The following AGPS variants were observed in gnomAD, a reference collection of about 807,000 sequenced individuals.
The protein encoded by AGPS is alkyldihydroxyacetonephosphate synthase, peroxisomal.
AGPS carries 26 observed loss-of-function variants against 90.7 expected under a neutral mutation model. The observed-to-expected ratio is 0.29, with a 90% CI of 0.21 to 0.40. AGPS has a LOEUF of 0.40. Among genes scored for constraint, AGPS ranks in the 10% least tolerant of loss-of-function variants. The pLI, the probability that AGPS is intolerant of heterozygous loss-of-function variation, is 1.00. For synonymous variants in AGPS, 294 were observed against 285.3 expected (o/e 1.03, Z -0.31); for missense variants, 540 against 816.1 (o/e 0.66, Z 4.12).
intron 8 of AGPS, among the ~76,000 whole-genome samples, chr2:177,455,843 A>C (rs528914636): frequency 2.6e-5 from 4 of 151,908 alleles, no homozygotes; most frequent in African/African-American, 9.7e-5. Flanking sequence ...ACCATAATTT[A>C]GGGATTTTTT....
intron 10 of AGPS, among the ~76,000 whole-genome samples, chr2:177,480,160 A>T (rs957443835): frequency 6.6e-6 from 1 of 152,230 alleles, no homozygotes; most frequent in African/African-American, 2.4e-5. Flanking sequence ...AGCCTGGGCA[A>T]CAAGAGCGAA....
chr2:177,496,944 T>C (rs755236521), intron 12 of AGPS, among the ~76,000 whole-genome samples: 22 of 152,098 alleles, frequency 1.4e-4, no homozygotes, highest in Non-Finnish European at 5.9e-5. Flanking sequence ...ATAAAAATTT[T>C]GTATAAATGG....
rs368443476 is a variant in AGPS at position 177,436,965 on chromosome 2, T to G, written c.563-15T>G. On this transcript the variant is annotated splice_polypyrimidine_tract_variant and intron_variant, in intron 4 of 19. Transcript: ENST00000264167. ...AGCTGTTTTTGTGTTTTTCTTTTTTTTAACCACAAAACAGGTCATTGTCTT... is the reference window on the plus strand; with the variant it reads ...AGCTGTTTTTGTGTTTTTCTTTTTTGTAACCACAAAACAGGTCATTGTCTT... 12 of 1,613,008 alleles carry G rather than the reference T, an allele frequency of 7.4e-6. No homozygotes were observed. In the African/African-American group the frequency reaches 8.0e-5, roughly 11 times the overall value.
intron 11 of AGPS, among the ~76,000 whole-genome samples, chr2:177,492,543 A>G (rs1372165509): frequency 6.6e-6 from 1 of 152,208 alleles, no homozygotes; most frequent in Non-Finnish European, 1.5e-5. Flanking sequence ...TAACATTTTT[A>G]AACTATTATA....
chr2:177,486,390 C>T (rs940523567), intron 11 of AGPS, among the ~76,000 whole-genome samples: 1 of 152,056 alleles, frequency 6.6e-6, no homozygotes, highest in African/African-American at 2.4e-5. Context: ...AAGAGTGGTA[C>T]AGTATTTGCT....
intron 17 of AGPS, among the ~76,000 whole-genome samples, chr2:177,514,670 T>C (rs927608134): frequency 4.6e-5 from 7 of 152,194 alleles, no homozygotes; most frequent in African/African-American, 1.4e-4. Flanking sequence ...TTTTCTATCT[T>C]TTCTATTGTC....
intron 19 of AGPS, among the ~76,000 whole-genome samples, chr2:177,531,992 T>C (rs1338091063): frequency 6.6e-6 from 1 of 152,074 alleles, no homozygotes; most frequent in Non-Finnish European, 1.5e-5. Context: ...AAATGAATAA[T>C]GAACTTAAAA....
chr2:177,459,533 A>C (rs1487353488), intron 8 of AGPS, among the ~76,000 whole-genome samples: 1 of 152,252 alleles, frequency 6.6e-6, no homozygotes, highest in Non-Finnish European at 1.5e-5. Context: ...TTCTCAAAAG[A>C]AGACATTTAT....
chr2:177,414,906 G>GTGTGTGTGTGTGTA (rs1280130904), intron 1 of AGPS, among the ~76,000 whole-genome samples: 4 of 151,482 alleles, frequency 2.6e-5, no homozygotes, highest in African/African-American at 4.9e-5. Context: ...TCGTGTGTGT[G>GTGTGTGTGTGTGTA]TGTGTGTGTG....
At chr2:177,446,403 A>C (rs1057167282) in intron 8 of AGPS, among the ~76,000 whole-genome samples, 1 of 152,020 alleles carries the variant, frequency 6.6e-6, no homozygotes, top group Admixed American at 6.5e-5. Flanking sequence ...GGCCTCCTGA[A>C]GTGTTGGGAT....
At chr2:177,405,521 G>A (rs181638043) in intron 1 of AGPS, among the ~76,000 whole-genome samples, 118 of 152,138 alleles carry the variant, frequency 7.8e-4, no homozygotes, top group African/African-American at 2.7e-3. Flanking sequence ...CTCAGATAAC[G>A]TTTTGAAATT....
chr2:177,394,669 A>T (rs1015711588), intron 1 of AGPS, among the ~76,000 whole-genome samples: 5 of 152,198 alleles, frequency 3.3e-5, no homozygotes, highest in Non-Finnish European at 7.3e-5. Context: ...TTTCCACTAC[A>T]CCGTTACAGC....
chr2:177,486,983 C>T (rs952713598), intron 11 of AGPS, among the ~76,000 whole-genome samples: 3 of 151,842 alleles, frequency 2.0e-5, no homozygotes, highest in African/African-American at 4.8e-5. Context: ...ATTTTTAAGA[C>T]GTTCTCAGAA....
At chr2:177,513,952 AT>A (rs1341324981) in intron 17 of AGPS, 44 bp downstream of exon 17, 1 of 1,471,582 alleles carries the variant, frequency 6.8e-7, no homozygotes, top group South Asian at 1.1e-5. Context: ...TCTGAAAAAA[AT>A]GTTTTTTTTA....
intron 3 of AGPS, 95 bp from the exon 4 acceptor site, chr2:177,436,667 TAA>T: frequency 1.6e-6 from 2 of 1,243,870 alleles, no homozygotes; most frequent in South Asian, 1.3e-5. Context: ...TTTGAATGTT[TAA>T]AAAAAAGTCT....
At chr2:177,503,565 A>T (rs534396333) in intron 14 of AGPS, among the ~76,000 whole-genome samples, 1 of 152,264 alleles carries the variant, frequency 6.6e-6, no homozygotes, top group African/African-American at 2.4e-5. Context: ...TAGGGGATCG[A>T]TGTTGCTACT....
At chr2:177,411,123 CTA>C (rs1362626222) in intron 1 of AGPS, among the ~76,000 whole-genome samples, 2 of 152,100 alleles carry the variant, frequency 1.3e-5, no homozygotes, top group African/African-American at 4.8e-5. Context: ...TTTCTGATCT[CTA>C]TTATAAAAAA....
chr2:177,394,710 T>A (rs1282625512), intron 1 of AGPS, among the ~76,000 whole-genome samples: 1 of 152,218 alleles, frequency 6.6e-6, no homozygotes, highest in Non-Finnish European at 1.5e-5. Context: ...ACTTAACCTC[T>A]GAGAGTTTCA....
chr2:177,437,935 T>TTGTA (rs1378939671), intron 5 of AGPS, among the ~76,000 whole-genome samples: 3 of 152,342 alleles, frequency 2.0e-5, no homozygotes, highest in Non-Finnish European at 2.9e-5. Context: ...TTCCTGATAC[T>TTGTA]TGTATATTAG....
Sources: gnomAD v4.1 joint callset for allele counts (sites outside exome capture counted in the v4.1 genomes callset) on GRCh38, gnomAD v4.1.1 for gene constraint, MANE v1.5 for transcripts, NCBI Gene and HGNC (gene_info 2026-07-23, HGNC 2026-07-21) for gene names.